Variants in RADIL observed in about 807,000 individuals in gnomAD.
RADIL encodes Rap associating with DIL domain, also known as ras-associating and dilute domain-containing protein.
Under a neutral mutation model 97.6 loss-of-function variants are expected in RADIL, and 99 were observed. The observed-to-expected ratio is 1.01, with a 90% CI of 0.86 to 1.20. The LOEUF (loss-of-function observed/expected upper bound fraction) is 1.20. RADIL is among the 50% of genes most tolerant of loss of function. The probability of loss-of-function intolerance (pLI) is 0.00; values close to 1 mark genes in which losing one functional copy is unlikely to be tolerated. For missense variants in RADIL, 1,765 were observed against 1,498.9 expected (o/e 1.18, Z -2.93); for synonymous variants, 803 against 691.8 (o/e 1.16, Z -2.52).
At chr7:4,882,710 A>C (rs7794335) in intron 1 of RADIL, among the ~76,000 whole-genome samples, 13,203 of 152,224 alleles carry the variant, frequency 0.087, 958 homozygotes, top group African/African-American at 0.2. Context: ...CACGCTTTCA[A>C]ATGCAAACAT....
intron 5 of RADIL, among the ~76,000 whole-genome samples, chr7:4,827,306 G>A (rs113000375): frequency 0.036 from 5,230 of 147,042 alleles, 156 homozygotes; most frequent in African/African-American, 0.082. Flanking sequence ...CGGAGGCTGC[G>A]GTGAAATGCG....
At position 4,818,308 on chromosome 7, in the gene RADIL, G is replaced by A. The variant is rs904930569; in HGVS notation, c.1616-957C>T. Among the ~76,000 whole-genome samples the A allele has an allele frequency of 1.6e-4, 24 of 152,192 alleles. No homozygotes were observed. Among genetic ancestry groups the A allele is most frequent in the Admixed American group, 5.9e-4 (9 of 15,284 alleles). On this transcript the variant is annotated intron_variant, in intron 6 of 14. Transcript: ENST00000399583. The surrounding 1 kb of genome is among the most constrained non-coding windows in gnomAD (Gnocchi z 7.1). The stretch of plus-strand genomic sequence containing the variant: ...ACAGGCCCCCAGCTGCCCCTCTGCC[G>A]GGCAGACTGCACCGGAGGCCGGCCC...
At chr7:4,800,061 C>G (rs1480478555) in intron 13 of RADIL, 110 bp downstream of exon 13, 29 of 1,412,408 alleles carry the variant, frequency 2.1e-5, no homozygotes, top group African/African-American at 5.8e-5. Context: ...CTCTCCTCCC[C>G]GAAGGCCTTC....
Position 4,815,658 on chromosome 7 carries a change from G to C in RADIL, c.1967-208C>G, listed in dbSNP as rs925896969. Reference sequence around the variant, plus strand: ...AGCGGGGGTACGGTGGGAGGTGAACGTAGCAGGGCAGGGTGGGCTGTGACT... The same window carrying C: ...AGCGGGGGTACGGTGGGAGGTGAACCTAGCAGGGCAGGGTGGGCTGTGACT... On this transcript the variant is annotated intron_variant, in intron 8 of 14. Transcript: ENST00000399583. This position sits in a 1 kb window ranked among gnomAD's most constrained non-coding sequence, Gnocchi z 8.0. Among the ~76,000 whole-genome samples, 1 of 152,142 alleles carries C rather than the reference G, an allele frequency of 6.6e-6. No homozygotes were observed. Among genetic ancestry groups the C allele is most frequent in the Non-Finnish European group, 1.5e-5 (1 of 68,006 alleles).
chr7:4,865,639 G>A, intron 2 of RADIL: 1 of 890,852 alleles, frequency 1.1e-6, no homozygotes, highest in Non-Finnish European at 1.9e-6. Flanking sequence ...CTCCACCAAG[G>A]TTCCCAGCTT....
At chr7:4,861,801 A>G (rs1583317147) in intron 2 of RADIL, 2 of 1,403,890 alleles carry the variant, frequency 1.4e-6, no homozygotes, top group Non-Finnish European at 1.8e-6. Flanking sequence ...GTCACCGGAA[A>G]CGGCATCATC....
chr7:4,839,123 C>A (rs372809238), intron 2 of RADIL, among the ~76,000 whole-genome samples: 2 of 152,228 alleles, frequency 1.3e-5, no homozygotes, highest in South Asian at 4.1e-4. Flanking sequence ...ACAGGTAACA[C>A]GTGACGTGAT....
chr7:4,843,940 G>A (rs951865467), intron 2 of RADIL, among the ~76,000 whole-genome samples: 10 of 147,240 alleles, frequency 6.8e-5, no homozygotes, highest in African/African-American at 1.7e-4. Flanking sequence ...AAAGCCTTAC[G>A]AAGGAACTGT....
In RADIL at chr7:4,822,652, C is replaced by T. The variant is rs1447376218; in HGVS notation, c.1455-98G>A. On this transcript the variant is annotated intron_variant, in intron 5 of 14. Transcript: ENST00000399583. This position sits in a 1 kb window ranked among gnomAD's most constrained non-coding sequence, Gnocchi z 5.3. ...CATAAGGATGCGCGTTTTCATGGGACGCTGACAACAACTGCAACCATCAAC... is the reference window on the plus strand; with the variant it reads ...CATAAGGATGCGCGTTTTCATGGGATGCTGACAACAACTGCAACCATCAAC... 12 of 1,371,474 alleles carry T rather than the reference C, an allele frequency of 8.7e-6. No homozygotes were observed. The highest frequency in any genetic ancestry group is 5.5e-5 in the South Asian group (4 of 72,624). 85.0% of individuals were successfully genotyped at this position (1,371,474 alleles called of 1,614,324 possible).
At position 4,839,339 on chromosome 7, in the gene RADIL, C is replaced by T. The variant is rs147992586; in HGVS notation, c.536-2734G>A. 2.1e-3 allele frequency among the ~76,000 whole-genome samples: 317 copies of T among 152,186 alleles called. 2 individuals carry two copies. The highest frequency in any genetic ancestry group is 7.0e-3 in the African/African-American group (292 of 41,512). On this transcript the variant is annotated intron_variant, in intron 2 of 14. Coordinates refer to ENST00000399583, the MANE Select transcript of RADIL (RefSeq NM_018059.5). ...ATTTCTAATTTTATTGGGCTGGGGT[C>T]GGAGAGTGTGCTTGGTATAATTTCC...
chr7:4,836,725 G>C (rs558093986), intron 2 of RADIL, 120 bp from the exon 3 acceptor site: 8 of 1,365,380 alleles, frequency 5.9e-6, no homozygotes, highest in Non-Finnish European at 8.0e-6. Flanking sequence ...ATCGCCTGAG[G>C]TCAGGAGCTC....
At chr7:4,877,009 G>T (rs889737393) in intron 2 of RADIL, among the ~76,000 whole-genome samples, 3 of 152,256 alleles carry the variant, frequency 2.0e-5, no homozygotes, top group African/African-American at 7.2e-5. Flanking sequence ...GTGCGTGGTT[G>T]CTATGGTCAA....
At chr7:4,853,153 T>C (rs1213414982) in intron 2 of RADIL, among the ~76,000 whole-genome samples, 1 of 152,188 alleles carries the variant, frequency 6.6e-6, no homozygotes, top group Non-Finnish European at 1.5e-5. Flanking sequence ...GAGGGCAGGC[T>C]GTGGCAGCCA....
At chr7:4,855,735 T>A (rs1328197122) in intron 2 of RADIL, among the ~76,000 whole-genome samples, 2 of 151,674 alleles carry the variant, frequency 1.3e-5, no homozygotes, top group Admixed American at 1.3e-4. Context: ...TCCTAGCTCC[T>A]CTTCCGTGAA....
chr7:4,863,585 A>G (rs1306461287), intron 2 of RADIL, among the ~76,000 whole-genome samples: 1 of 152,274 alleles, frequency 6.6e-6, no homozygotes, highest in Admixed American at 6.5e-5. Flanking sequence ...CACAACATCT[A>G]GATGGTGCAA....
chr7:4,835,239 C>T lies in RADIL; in HGVS notation c.784G>A (p.Asp262Asn), dbSNP rs1783262576. The change falls in exon 4 of 15, where the codon GAC becomes AAC. Residue 262 changes from aspartate to asparagine, a missense_variant and splice_region_variant. Physicochemically the swap from Asp to Asn is conservative, Grantham distance 23 (BLOSUM62 1). Coordinates refer to ENST00000399583, the MANE Select transcript of RADIL (RefSeq NM_018059.5). This position sits in a 1 kb window ranked among gnomAD's most constrained non-coding sequence, Gnocchi z 5.8. Reference protein sequence around the residue: ...LLLQGYSQQHDSLVYVLNRDR... With the variant: ...LLLQGYSQQHNSLVYVLNRDR... ...CGGTTGAGCACATACACCAGGCTGT[C>T]CTGAAACAGAGACTCCGCTCAGGGC... The T allele has an allele frequency of 6.2e-7, 1 of 1,608,646 alleles. No homozygotes were observed. Among genetic ancestry groups the T allele is most frequent in the Non-Finnish European group, 8.5e-7 (1 of 1,179,818 alleles).
chr7:4,874,718 G>A (rs1443761744), intron 2 of RADIL, among the ~76,000 whole-genome samples: 1 of 152,216 alleles, frequency 6.6e-6, no homozygotes, highest in Non-Finnish European at 1.5e-5. Flanking sequence ...GAGCAGGGGT[G>A]CTTTCGCTCG....
intron 2 of RADIL, among the ~76,000 whole-genome samples, chr7:4,863,693 T>C (rs55938518): frequency 0.098 from 14,872 of 152,292 alleles, 792 homozygotes; most frequent in South Asian, 0.15. Context: ...GAACTTCCTT[T>C]GCCATCTCCT....
At position 4,817,997 on chromosome 7, in the gene RADIL, C is replaced by G. The variant is rs1782723127; in HGVS notation, c.1616-646G>C. Among the ~76,000 whole-genome samples, 1 of 152,192 alleles carries G rather than the reference C, an allele frequency of 6.6e-6. No individual in the cohort carries two copies. Among genetic ancestry groups the G allele is most frequent in the South Asian group, 2.1e-4 (1 of 4,830 alleles). On this transcript the variant is annotated intron_variant, in intron 6 of 14. Coordinates refer to ENST00000399583, the MANE Select transcript of RADIL (RefSeq NM_018059.5). The surrounding 1 kb of genome is among the most constrained non-coding windows in gnomAD (Gnocchi z 8.3). Reference sequence around the variant, plus strand: ...AGGGAGCATGTGGTGGTCTCAGTGACTGAGGGTCCCATCAGCACCTGGGGA... The same window carrying G: ...AGGGAGCATGTGGTGGTCTCAGTGAGTGAGGGTCCCATCAGCACCTGGGGA...
Sources: allele counts gnomAD v4.1 joint callset (sites outside exome capture counted in the v4.1 genomes callset), GRCh38; gene constraint gnomAD v4.1.1; non-coding constraint Gnocchi (gnomAD v3.1); transcripts MANE v1.5; gene names NCBI Gene and HGNC (gene_info 2026-07-23, HGNC 2026-07-21).